The following BNIP2 variants were observed in gnomAD, a reference collection of about 807,000 sequenced individuals.
BNIP2 encodes the protein BCL2 interacting protein 2.
In BNIP2, 36 loss-of-function variants were observed where a neutral mutation model predicts 43.4. The ratio of observed to expected loss-of-function variants is 0.83; its 90% CI spans 0.64 to 1.10. The LOEUF (loss-of-function observed/expected upper bound fraction) is 1.10, where lower values mean the gene tolerates loss of function less well. Ranked by LOEUF, BNIP2 falls within the 50% of genes least tolerant of loss-of-function variation. The probability of loss-of-function intolerance (pLI) is 0.00; values close to 1 mark genes in which losing one functional copy is unlikely to be tolerated. For synonymous variants in BNIP2, 146 were observed against 121.0 expected, an observed-to-expected ratio of 1.21 and a Z score of -1.35; for missense variants, 417 against 374.1, an observed-to-expected ratio of 1.11 and a Z score of -0.95.
At chr15:59,681,936 T>C (rs1033102555) in intron 2 of BNIP2, among the ~76,000 whole-genome samples, 1 of 152,150 alleles carries the variant, frequency 6.6e-6, no homozygotes, top group Non-Finnish European at 1.5e-5. Flanking sequence ...AGATTATATA[T>C]ATACTTGGTT....
Position 59,679,664 on chromosome 15 carries a change from C to G in BNIP2, c.223G>C (p.Asp75His), listed in dbSNP as rs1893528075. ...SDGSVLSDDL[D>H]ESGEIDLDGL... Reference sequence around the variant, plus strand: ...TCTAAGTCAATCTCCCCACTTTCATCCAAATCATCTGACAATACAGAGCCA... The same window carrying G: ...TCTAAGTCAATCTCCCCACTTTCATGCAAATCATCTGACAATACAGAGCCA... Residue 75 changes from aspartate to histidine, a missense_variant, in exon 4 of 10, where the codon GAT becomes CAT. Coordinates refer to ENST00000607373, the MANE Select transcript of BNIP2 (RefSeq NM_004330.4). 7 of 1,613,158 alleles carry G rather than the reference C, an allele frequency of 4.3e-6. No homozygotes were observed. Among genetic ancestry groups the G allele is most frequent in the Middle Eastern group, 1.7e-4 (1 of 6,058 alleles).
intron 9 of BNIP2, chr15:59,668,272 T>C (rs1892686164): frequency 2.4e-6 from 1 of 421,182 alleles, no homozygotes; most frequent in Middle Eastern, 9.1e-4. Context: ...ATGTAGAAAG[T>C]AAAAATTTAC....
At chr15:59,686,580 T>C (rs548290490) in intron 1 of BNIP2, among the ~76,000 whole-genome samples, 1 of 152,306 alleles carries the variant, frequency 6.6e-6, no homozygotes, top group East Asian at 1.9e-4. Context: ...AAGGTTTCAT[T>C]CTAAACATTT....
At chr15:59,687,821 C>T (rs769247399) in intron 1 of BNIP2, among the ~76,000 whole-genome samples, 3 of 152,166 alleles carry the variant, frequency 2.0e-5, no homozygotes, top group African/African-American at 4.8e-5. Flanking sequence ...CATGTTCCAA[C>T]CAGCAACTTT....
At chr15:59,676,906 G>T in intron 5 of BNIP2, 1 of 1,602,562 alleles carries the variant, frequency 6.2e-7, no homozygotes, top group Non-Finnish European at 8.5e-7. Context: ...CGGTGTGGCT[G>T]GCAGCCTACG....
rs768344686 is a variant in BNIP2 at position 59,669,379 on chromosome 15, A to AAAC, written c.708-20_708-18dup. On this transcript the variant is annotated splice_polypyrimidine_tract_variant and intron_variant, in intron 7 of 9. Transcript: ENST00000607373. ...TTCCGTAACCTGGAGTTTAAAAAAA[A>AAAC]AACACACACACACAAAGAAAATTAA... 1.4e-6 allele frequency: 2 copies of AAAC among 1,399,602 alleles called. No homozygotes were observed. Among genetic ancestry groups the AAAC allele is most frequent in the Non-Finnish European group, 1.9e-6 (2 of 1,033,816 alleles). 86.7% of individuals were successfully genotyped at this position (1,399,602 alleles called of 1,614,324 possible). A position where few individuals can be genotyped will look rare whatever the true frequency, so the allele number is the denominator to read the frequency against.
chr15:59,678,843 G>T, intron 4 of BNIP2: 1 of 1,302,842 alleles, frequency 7.7e-7, no homozygotes, highest in Non-Finnish European at 1.0e-6. Context: ...GACTACAGCA[G>T]CATTAAAGAA....
At chr15:59,688,202 A>G (rs953634194) in intron 1 of BNIP2, among the ~76,000 whole-genome samples, 1 of 152,232 alleles carries the variant, frequency 6.6e-6, no homozygotes, top group African/African-American at 2.4e-5. Context: ...GTGCAAAATG[A>G]TCAAGAAACT....
chr15:59,682,372 G>A, intron 2 of BNIP2, 36 bp downstream of exon 2: 1 of 1,532,536 alleles, frequency 6.5e-7, no homozygotes, highest in Non-Finnish European at 8.9e-7. Context: ...TTGAACTTTT[G>A]CTCTAAAATT....
chr15:59,683,184 G>T (rs959886984), intron 1 of BNIP2, among the ~76,000 whole-genome samples: 1 of 151,018 alleles, frequency 6.6e-6, no homozygotes, highest in Admixed American at 6.6e-5. Flanking sequence ...TTTAACATAT[G>T]CCATGAACTT....
chr15:59,672,454 T>C lies in BNIP2; in HGVS notation c.575+183A>G, dbSNP rs1892993978. ...ATGCCTGGCTAATTTTTTGATTTTG[T>C]AGAGAAAGAGCTTTGTCATATCGCC... On this transcript the variant is annotated intron_variant, in intron 6 of 9. Coordinates refer to ENST00000607373, the MANE Select transcript of BNIP2 (RefSeq NM_004330.4). Among the ~76,000 whole-genome samples the C allele has an allele frequency of 2.6e-5, 4 of 152,292 alleles. No homozygotes were observed. In the South Asian group the frequency reaches 6.2e-4, roughly 24 times the overall value.
rs767541075 is a variant in BNIP2, at chr15:59,672,646, T to C, written c.566A>G (p.Asn189Ser). The C allele has an allele frequency of 9.9e-6, 16 of 1,611,134 alleles. No homozygotes were observed. Among genetic ancestry groups the C allele is most frequent in the Non-Finnish European group, 1.2e-5 (14 of 1,177,704 alleles). Residue 189 changes from asparagine (N) to serine (S), a missense_variant, in exon 6 of 10, where the codon AAT becomes AGT. Asn to Ser is a conservative substitution (Grantham distance 46). Transcript: ENST00000607373. ...SQPNYRYLMD[N>S]LFKYVIGTLE... ...TTTAATATATACTTACTTAAAAAGA[T>C]TGTCCATCAGGTATCTATAGTTAGG...
At chr15:59,687,760 CTT>C (rs1894114904) in intron 1 of BNIP2, among the ~76,000 whole-genome samples, 2 of 152,288 alleles carry the variant, frequency 1.3e-5, no homozygotes, top group South Asian at 4.1e-4. Context: ...ATGAACAGAA[CTT>C]TTCCAGAGTG....
chr15:59,665,601 C>A (rs912874456), intron 9 of BNIP2, among the ~76,000 whole-genome samples: 1 of 151,978 alleles, frequency 6.6e-6, no homozygotes, highest in Non-Finnish European at 1.5e-5. Context: ...CAGAGCAAGA[C>A]CCTGTCTCAA....
chr15:59,675,333 G>A (rs919680693), intron 5 of BNIP2, among the ~76,000 whole-genome samples: 3 of 151,768 alleles, frequency 2.0e-5, no homozygotes, highest in Non-Finnish European at 2.9e-5. Flanking sequence ...TTTTAGGGCC[G>A]GGCACGGTGG....
intron 1 of BNIP2, among the ~76,000 whole-genome samples, chr15:59,682,875 T>C (rs1024179100): frequency 2.6e-5 from 4 of 152,190 alleles, no homozygotes; most frequent in Admixed American, 6.5e-5. Flanking sequence ...AGACTCATAA[T>C]TAAATTTTCT....
Position 59,668,772 on chromosome 15 carries a change from A to ACACG in BNIP2, c.893+119_893+120insCGTG, listed in dbSNP as rs1555396260. 393 of 780,022 alleles carry ACACG rather than the reference A, an allele frequency of 5.0e-4. 2 individuals are homozygous for ACACG. The African/African-American group carries it at 5.9e-3, about 12-fold the overall frequency. The allele number at this position is 780,022 out of a possible 1,614,324, so 48.3% of individuals were successfully genotyped here. The stretch of plus-strand genomic sequence containing the variant: ...TTTTCTTTGTTACACACACACACAC[A>ACACG]CGCGCGCGCGCGCACAGTTATAAAA... On this transcript the variant is annotated intron_variant, in intron 9 of 9. Transcript: ENST00000607373.
In BNIP2 at chr15:59,677,053, T is replaced by A. The variant is rs1425808341; in HGVS notation, c.472+858A>T. ...ATCATTGATTCCCTTGGCATTCAGA[T>A]GACTTCATCTTATGCTTCAGGCTAA... On this transcript the variant is annotated intron_variant, in intron 5 of 9. Coordinates refer to ENST00000607373, the MANE Select transcript of BNIP2 (RefSeq NM_004330.4). The A allele has an allele frequency of 1.2e-5, 20 of 1,611,578 alleles. No homozygotes were observed. The African/African-American group carries it at 2.1e-4, about 17-fold the overall frequency.
At chr15:59,688,977 C>A in intron 1 of BNIP2, 158 bp downstream of exon 1, 1 of 1,441,738 alleles carries the variant, frequency 6.9e-7, no homozygotes, top group Non-Finnish European at 9.1e-7. Flanking sequence ...CAGGAAGCAC[C>A]TCCCGAGCAG....
Sources: gnomAD v4.1 joint callset for allele counts (sites outside exome capture counted in the v4.1 genomes callset) on GRCh38, gnomAD v4.1.1 for gene constraint, MANE v1.5 for transcripts, NCBI Gene and HGNC (gene_info 2026-07-23, HGNC 2026-07-21) for gene names.